PAQR8: variants seen among roughly 807,000 people sequenced by gnomAD.
PAQR8 encodes the protein membrane progestin receptor beta.
PAQR8 carries 17 observed loss-of-function variants against 25.2 expected under a neutral mutation model. The observed-to-expected ratio is 0.67, with a 90% CI of 0.46 to 1.01. PAQR8 has a LOEUF of 1.01. Among genes scored for constraint, PAQR8 ranks in the 50% least tolerant of loss-of-function variants. The probability of loss-of-function intolerance (pLI) is 0.00; values close to 1 mark genes in which losing one functional copy is unlikely to be tolerated. For missense variants in PAQR8, 392 were observed against 448.4 expected (o/e 0.87, Z 1.14); for synonymous variants, 204 against 190.6 (o/e 1.07, Z -0.58).
In PAQR8 at chr6:52,403,588, C is replaced by T; in HGVS notation, c.375C>T (p.Cys125=). The T allele has an allele frequency of 6.2e-7, 1 of 1,614,106 alleles. No homozygotes were observed. Among genetic ancestry groups the T allele is most frequent in the East Asian group, 2.2e-5 (1 of 44,880 alleles). Residue 125 remains cysteine (C), a synonymous_variant, in exon 2 of 2, where the codon TGC becomes TGT. Transcript: ENST00000442253. The part of the protein sequence containing the change: ...FILSSITYLT[C]SLLAHLLQSK... ...TGTCGTCAATCACTTACCTCACCTG[C>T]AGCCTTCTGGCCCACCTGCTGCAGT...
At chr6:52,382,991 G>T (rs1581792443) in intron 1 of PAQR8, among the ~76,000 whole-genome samples, 1 of 152,162 alleles carries the variant, frequency 6.6e-6, no homozygotes, top group African/African-American at 2.4e-5. Context: ...TCCCTATGTT[G>T]CCCAGGCTGG....
intron 1 of PAQR8, among the ~76,000 whole-genome samples, chr6:52,374,951 TATA>T (rs889055988): frequency 1.7e-4 from 25 of 149,626 alleles, no homozygotes; most frequent in South Asian, 4.2e-4. Flanking sequence ...ATTATATTAA[TATA>T]ATAATATTAG....
chr6:52,381,978 G>A (rs555003563), intron 1 of PAQR8, among the ~76,000 whole-genome samples: 2 of 152,296 alleles, frequency 1.3e-5, no homozygotes, highest in East Asian at 3.9e-4. Context: ...GATAATGATA[G>A]CAGTACTTGG....
chr6:52,404,887 C>T lies in PAQR8; in HGVS notation c.*609C>T, dbSNP rs3180068. The T allele has an allele frequency of 9.0e-5, 15 of 167,422 alleles. No individual in the cohort carries two copies. The highest frequency in any genetic ancestry group is 2.1e-4 in the South Asian group (1 of 4,832). 10.4% of individuals were successfully genotyped at this position (167,422 alleles called of 1,614,324 possible). A position where few individuals can be genotyped will look rare whatever the true frequency, so the allele number is the denominator to read the frequency against. ...GTCTACACCTGGCAGTTTTCTCTGA[C>T]GTGCTGTTCACTCACATCCCTACCT... is the stretch of plus-strand genomic sequence containing the variant. On this transcript the variant is annotated 3_prime_UTR_variant, in exon 2 of 2. Coordinates refer to ENST00000442253, the MANE Select transcript of PAQR8 (RefSeq NM_133367.5).
chr6:52,388,321 A>G (rs1340198666), intron 1 of PAQR8, among the ~76,000 whole-genome samples: 1 of 151,856 alleles, frequency 6.6e-6, no homozygotes, highest in East Asian at 1.9e-4. Context: ...GGTTGCAGTG[A>G]GCTGAGTTGG....
At position 52,374,313 on chromosome 6, in the gene PAQR8, G is replaced by A. The variant is rs149246520; in HGVS notation, c.-53+12064G>A. On this transcript the variant is annotated intron_variant, in intron 1 of 1. Coordinates refer to ENST00000442253, the MANE Select transcript of PAQR8 (RefSeq NM_133367.5). Reference sequence around the variant, plus strand: ...ATTTTTCCTATCAAAACATCACATTGACTTTCCTGCTTAATAGTTTCCTTT... The same window carrying A: ...ATTTTTCCTATCAAAACATCACATTAACTTTCCTGCTTAATAGTTTCCTTT... Among the ~76,000 whole-genome samples, 155 of 152,256 alleles carry A rather than the reference G, an allele frequency of 1.0e-3. 1 individual carries two copies. Among genetic ancestry groups the A allele is most frequent in the African/African-American group, 3.4e-3 (140 of 41,542 alleles).
At position 52,406,655 on chromosome 6, in the gene PAQR8, C is replaced by G. The variant is rs1763913944; in HGVS notation, c.*2377C>G. On this transcript the variant is annotated 3_prime_UTR_variant, in exon 2 of 2. Transcript: ENST00000442253. ...ACGGCTCACTGCAGCCTCGACCTCC[C>G]CAGCTCAAGCAATCCTCCCACCTCA... is the stretch of plus-strand genomic sequence containing the variant. 1 of 406,338 alleles carries G rather than the reference C, an allele frequency of 2.5e-6. No individual in the cohort carries two copies. The highest frequency in any genetic ancestry group is 1.3e-4 in the South Asian group (1 of 7,748). 25.2% of individuals were successfully genotyped at this position (406,338 alleles called of 1,614,324 possible).
intron 1 of PAQR8, among the ~76,000 whole-genome samples, chr6:52,382,941 T>C (rs1314931587): frequency 2.6e-5 from 4 of 152,168 alleles, no homozygotes; most frequent in African/African-American, 4.8e-5. Context: ...ACTACCATGC[T>C]CAGCTAATTT....
chr6:52,383,899 A>G (rs1277909003), intron 1 of PAQR8, among the ~76,000 whole-genome samples: 2 of 152,170 alleles, frequency 1.3e-5, no homozygotes, highest in Admixed American at 1.3e-4. Flanking sequence ...TATGTGAGCT[A>G]AACTTTAGCT....
intron 1 of PAQR8, among the ~76,000 whole-genome samples, chr6:52,392,219 C>T (rs774782116): frequency 6.6e-6 from 1 of 151,998 alleles, no homozygotes; most frequent in African/African-American, 2.4e-5. Flanking sequence ...CAGTGTGCGC[C>T]CTTAGTCCCA....
chr6:52,400,729 T>C (rs1763820707), intron 1 of PAQR8, among the ~76,000 whole-genome samples: 2 of 152,244 alleles, frequency 1.3e-5, no homozygotes, highest in Admixed American at 1.3e-4. Flanking sequence ...TTTTGGTTGT[T>C]TGCTGAGACC....
intron 1 of PAQR8, among the ~76,000 whole-genome samples, chr6:52,399,712 C>G (rs1763809164): frequency 6.6e-6 from 1 of 152,116 alleles, no homozygotes; most frequent in Admixed American, 6.5e-5. Flanking sequence ...TGATTTCTCC[C>G]AGCCATAAAA....
intron 1 of PAQR8, among the ~76,000 whole-genome samples, chr6:52,379,767 T>C (rs1400402212): frequency 2.0e-5 from 3 of 152,046 alleles, no homozygotes; most frequent in Non-Finnish European, 4.4e-5. Context: ...GCTGGGACTA[T>C]AGGCGCCTGC....
chr6:52,380,519 T>A (rs1264360657), intron 1 of PAQR8, among the ~76,000 whole-genome samples: 1 of 152,220 alleles, frequency 6.6e-6, no homozygotes. Flanking sequence ...ATATGTGGCC[T>A]TTTCTAAAAT....
chr6:52,381,745 G>A (rs1371020237), intron 1 of PAQR8, among the ~76,000 whole-genome samples: 1 of 152,092 alleles, frequency 6.6e-6, no homozygotes, highest in Non-Finnish European at 1.5e-5. Flanking sequence ...TAATATTTTG[G>A]GTGATTTAAC....
At chr6:52,368,075 CA>C (rs1763373807) in intron 1 of PAQR8, among the ~76,000 whole-genome samples, 1 of 152,052 alleles carries the variant, frequency 6.6e-6, no homozygotes, top group Non-Finnish European at 1.5e-5. Flanking sequence ...ACAAAATATA[CA>C]AAAAATAGCC....
intron 1 of PAQR8, among the ~76,000 whole-genome samples, chr6:52,379,622 T>TTTTTTTTTTTTTA (rs1763529213): frequency 7.8e-6 from 1 of 127,648 alleles, no homozygotes; most frequent in Non-Finnish European, 1.7e-5. Flanking sequence ...CAGCTTTCTT[T>TTTTTTTTTTTTTA]TTTTTTTTTT....
intron 1 of PAQR8, among the ~76,000 whole-genome samples, chr6:52,367,215 G>T (rs1763364112): frequency 2.0e-5 from 3 of 152,154 alleles, no homozygotes; most frequent in Non-Finnish European, 2.9e-5. Flanking sequence ...ATCCTAAAAT[G>T]CACAGGACAG....
chr6:52,406,737 A>G lies in PAQR8; in HGVS notation c.*2459A>G. ...GCCACCACACCTGGCTAATTTTTGC[A>G]TTTTTTGTAGAGACAGGGTTTTGCC... On this transcript the variant is annotated 3_prime_UTR_variant, in exon 2 of 2. Coordinates refer to ENST00000442253, the MANE Select transcript of PAQR8 (RefSeq NM_133367.5). 2.5e-6 allele frequency: 1 copy of G among 399,442 alleles called. No homozygotes were observed. The allele number at this position is 399,442 out of a possible 1,614,324, so 24.7% of individuals were successfully genotyped here. A position where few individuals can be genotyped will look rare whatever the true frequency, so the allele number is the denominator to read the frequency against.
Sources: gnomAD v4.1 joint callset for allele counts (sites outside exome capture counted in the v4.1 genomes callset) on GRCh38, gnomAD v4.1.1 for gene constraint, MANE v1.5 for transcripts, NCBI Gene and HGNC (gene_info 2026-07-23, HGNC 2026-07-21) for gene names.